Variants in PCNX1 observed in about 807,000 individuals in gnomAD.
The protein encoded by PCNX1 is pecanex-like protein 1.
A neutral mutation model predicts 242.2 loss-of-function variants in PCNX1; 78 were observed. That is an observed-to-expected ratio of 0.32 (90% CI 0.27 to 0.39). The LOEUF is 0.39. Among genes scored for constraint, PCNX1 ranks in the 10% least tolerant of loss-of-function variants. The probability of loss-of-function intolerance (pLI) is 1.00; values close to 1 mark genes in which losing one functional copy is unlikely to be tolerated. For synonymous variants in PCNX1, 1,024 were observed against 1,032.9 expected, an observed-to-expected ratio of 0.99 and a Z score of 0.17; for missense variants, 2,581 against 2,856.5, an observed-to-expected ratio of 0.90 and a Z score of 2.20.
intron 30 of PCNX1, among the ~76,000 whole-genome samples, chr14:71,098,553 T>TGTGTGTGTGTGAGAGAGA (rs60367565): frequency 4.8e-5 from 6 of 125,734 alleles, no homozygotes; most frequent in South Asian, 5.2e-4. Flanking sequence ...TGTGTGTGTG[T>TGTGTGTGTGTGAGAGAGA]GAGAGAGAGA....
chr14:71,088,253 G>A (rs369995649), intron 28 of PCNX1, 77 bp from the exon 29 acceptor site: 89 of 730,754 alleles, frequency 1.2e-4, no homozygotes, highest in East Asian at 1.2e-3. Context: ...TTATCATTTC[G>A]CTATATTATT....
intron 1 of PCNX1, among the ~76,000 whole-genome samples, chr14:70,924,504 C>G (rs1024962922): frequency 2.0e-5 from 3 of 152,022 alleles, no homozygotes; most frequent in African/African-American, 7.2e-5. Context: ...ACTTAATGTC[C>G]TTTTTCTGTT....
In PCNX1 at chr14:70,988,600, G is replaced by A. The variant is rs34655198; in HGVS notation, c.2345G>A (p.Arg782His). 5,964 of 1,614,050 alleles carry A rather than the reference G, an allele frequency of 3.7e-3. 16 individuals are homozygous for A. The highest frequency in any genetic ancestry group is 4.6e-3 in the Non-Finnish European group (5,483 of 1,179,982). The change falls in exon 7 of 36, where the codon CGC becomes CAC. Residue 782 changes from arginine to histidine, a missense_variant. Coordinates refer to ENST00000304743, the MANE Select transcript of PCNX1 (RefSeq NM_014982.3). ...GCCAGCGAGGAGGCAGTGTCATTTC[G>A]CCGTGAACGCAGCACATTTAGGCGC... ...AQASEEAVSF[R>H]RERSTFRRQA...
intron 3 of PCNX1, 39 bp downstream of exon 3, chr14:70,962,370 C>T (rs1181000218): frequency 9.4e-7 from 1 of 1,058,746 alleles, no homozygotes; most frequent in Non-Finnish European, 1.5e-6. Flanking sequence ...TTTTTCCCTC[C>T]TCCTGATGGT....
chr14:71,047,678 A>AT (rs1167439916), intron 21 of PCNX1, 129 bp from the exon 22 acceptor site: 1 of 686,092 alleles, frequency 1.5e-6, no homozygotes, highest in African/African-American at 1.8e-5. Flanking sequence ...TCTATACATC[A>AT]TTTTTGGAAG....
chr14:70,929,045 T>A (rs986471765), intron 1 of PCNX1, among the ~76,000 whole-genome samples: 1 of 152,186 alleles, frequency 6.6e-6, no homozygotes, highest in Non-Finnish European at 1.5e-5. Context: ...GTTGGGTATG[T>A]TCTATTCCGG....
At chr14:70,946,507 A>C (rs983790909) in intron 1 of PCNX1, among the ~76,000 whole-genome samples, 2 of 152,252 alleles carry the variant, frequency 1.3e-5, no homozygotes, top group African/African-American at 4.8e-5. Context: ...CAGGCAAGCC[A>C]TATATGTAAT....
chr14:70,921,614 ATG>A (rs377695353), intron 1 of PCNX1, among the ~76,000 whole-genome samples: 532 of 152,300 alleles, frequency 3.5e-3, no homozygotes, highest in African/African-American at 0.012. Context: ...GAATACCAGG[ATG>A]TGTTATTGAA....
intron 6 of PCNX1, among the ~76,000 whole-genome samples, chr14:70,982,253 T>C (rs2058861127): frequency 6.6e-6 from 1 of 152,196 alleles, no homozygotes; most frequent in Non-Finnish European, 1.5e-5. Flanking sequence ...TCAAGTCTAA[T>C]AAACTTAATT....
chr14:71,022,696 T>C (rs554610163), intron 12 of PCNX1, among the ~76,000 whole-genome samples: 5 of 152,344 alleles, frequency 3.3e-5, no homozygotes, highest in South Asian at 2.1e-4. Context: ...ACTTATTTGA[T>C]TATTTTGATA....
In PCNX1 at chr14:70,984,637, C is replaced by T. The variant is rs761039978; in HGVS notation, c.2312-3930C>T. 1.1e-4 allele frequency among the ~76,000 whole-genome samples: 16 copies of T among 152,040 alleles called. 1 individual carries two copies. The highest frequency in any genetic ancestry group is 2.2e-4 in the Non-Finnish European group (15 of 67,936). ...TCCTGACCTTGTGATCCGCCTGGCT[C>T]GGCCTCCCAAAGTGCTGGGATTACA... is the stretch of plus-strand genomic sequence containing the variant. On this transcript the variant is annotated intron_variant, in intron 6 of 35. Transcript: ENST00000304743.
intron 3 of PCNX1, among the ~76,000 whole-genome samples, chr14:70,963,478 T>TA (rs1238163222): frequency 1.3e-5 from 2 of 152,188 alleles, no homozygotes; most frequent in Non-Finnish European, 2.9e-5. Flanking sequence ...AAATAGCAGA[T>TA]ATAATTCTGC....
intron 29 of PCNX1, among the ~76,000 whole-genome samples, chr14:71,088,677 T>C (rs576775080): frequency 1.3e-5 from 2 of 152,188 alleles, no homozygotes; most frequent in Admixed American, 1.3e-4. Context: ...TTAAGACATT[T>C]TAAAATACAA....
At chr14:71,029,177 A>G (rs974896455) in intron 16 of PCNX1, among the ~76,000 whole-genome samples, 1 of 152,104 alleles carries the variant, frequency 6.6e-6, no homozygotes, top group Non-Finnish European at 1.5e-5. Flanking sequence ...AAGGACTGCA[A>G]TTTAAGATAC....
chr14:71,002,299 G>C (rs995548823), intron 8 of PCNX1, among the ~76,000 whole-genome samples: 1 of 152,136 alleles, frequency 6.6e-6, no homozygotes, highest in Non-Finnish European at 1.5e-5. Context: ...TTCACTGACT[G>C]TTTGCTGCTA....
At chr14:71,032,017 C>CA in intron 16 of PCNX1, 1 of 924,822 alleles carries the variant, frequency 1.1e-6, no homozygotes, top group South Asian at 1.3e-5. Context: ...GACACGGACA[C>CA]ACACAAGGAG....
intron 33 of PCNX1, among the ~76,000 whole-genome samples, chr14:71,107,975 C>A (rs1202388260): frequency 6.6e-6 from 1 of 152,126 alleles, no homozygotes; most frequent in Non-Finnish European, 1.5e-5. Flanking sequence ...TGTTTTAGAG[C>A]TACTCAACAA....
chr14:70,911,023 G>A (rs1594869202), intron 1 of PCNX1, among the ~76,000 whole-genome samples: 1 of 152,284 alleles, frequency 6.6e-6, no homozygotes, highest in East Asian at 1.9e-4. Flanking sequence ...CTAGTAAAAG[G>A]TAGATAGTTT....
chr14:70,942,484 G>A (rs1478747919), intron 1 of PCNX1, among the ~76,000 whole-genome samples: 1 of 123,558 alleles, frequency 8.1e-6, no homozygotes, highest in Non-Finnish European at 1.7e-5. Context: ...GCAGATGTGT[G>A]GGGGTGTCCC....
Sources: gnomAD v4.1 joint callset for allele counts (sites outside exome capture counted in the v4.1 genomes callset) on GRCh38, gnomAD v4.1.1 for gene constraint, MANE v1.5 for transcripts, NCBI Gene and HGNC (gene_info 2026-07-23, HGNC 2026-07-21) for gene names.